SNX30: variants seen among roughly 807,000 people sequenced by gnomAD.
SNX30 encodes sorting nexin-30.
Under a neutral mutation model 46.4 loss-of-function variants are expected in SNX30, and 24 were observed. The observed-to-expected ratio is 0.52, with a 90% CI of 0.37 to 0.73. The LOEUF (loss-of-function observed/expected upper bound fraction) is 0.73, where lower values mean the gene tolerates loss of function less well. Among genes scored for constraint, SNX30 ranks in the 30% least tolerant of loss-of-function variants. The pLI is 0.00. For synonymous variants in SNX30, 189 were observed against 211.5 expected (o/e 0.89, Z 0.92); for missense variants, 533 against 555.7 (o/e 0.96, Z 0.41).
intron 7 of SNX30, chr9:112,856,933 A>T (rs562896506): frequency 2.0e-5 from 3 of 152,574 alleles, no homozygotes; most frequent in African/African-American, 7.2e-5. Context: ...TCCATGTGAC[A>T]GATGGGGGCC....
intron 1 of SNX30, among the ~76,000 whole-genome samples, chr9:112,785,064 G>A (rs374092833): frequency 6.6e-6 from 1 of 152,200 alleles, no homozygotes; most frequent in African/African-American, 2.4e-5. Flanking sequence ...AAACTCCTGT[G>A]TGTTGGAAAA....
chr9:112,755,193 G>T (rs1488555594), intron 1 of SNX30, among the ~76,000 whole-genome samples: 3 of 152,224 alleles, frequency 2.0e-5, no homozygotes, highest in African/African-American at 7.2e-5. Flanking sequence ...AGGAGAACTG[G>T]CCGCGAGGAA....
intron 1 of SNX30, among the ~76,000 whole-genome samples, chr9:112,778,151 G>T (rs111326566): frequency 1.1e-4 from 17 of 152,184 alleles, no homozygotes; most frequent in African/African-American, 4.1e-4. Flanking sequence ...AAGTGTTGTG[G>T]ATGGGTACCT....
At chr9:112,858,810 CG>C (rs1419075531) in intron 7 of SNX30, among the ~76,000 whole-genome samples, 1 of 152,128 alleles carries the variant, frequency 6.6e-6, no homozygotes, top group Non-Finnish European at 1.5e-5. Context: ...TCTGCCTTCC[CG>C]AGTGACTTTT....
rs1840533012 is a variant in SNX30 at position 112,823,225 on chromosome 9, AT to A, written c.459+5411del. On this transcript the variant is annotated intron_variant, in intron 3 of 8. Coordinates refer to ENST00000374232, the MANE Select transcript of SNX30 (RefSeq NM_001012994.2). ...AAAAACATAGTATATACAGGGTTCA[AT>A]ACCATCCATGGCTTCAGCATCTGCT... 2.6e-5 allele frequency among the ~76,000 whole-genome samples: 4 copies of A among 152,380 alleles called. No homozygotes were observed. The South Asian group carries it at 8.3e-4, about 32-fold the overall frequency.
In SNX30 at chr9:112,751,254, C is replaced by T. The variant is rs1269380132; in HGVS notation, c.156+97C>T. 4.0e-6 allele frequency: 5 copies of T among 1,251,236 alleles called. No individual in the cohort carries two copies. In the African/African-American group the frequency reaches 6.2e-5, roughly 16 times the overall value. The allele number at this position is 1,251,236 out of a possible 1,614,324, so 77.5% of individuals were successfully genotyped here. On this transcript the variant is annotated intron_variant, in intron 1 of 8. Transcript: ENST00000374232. ...TTCGTGGGCCTGGGGCCGCGCCCAC[C>T]CTGCCGCCCCTTCCCGGGGGACGGG...
At chr9:112,772,432 A>T (rs1167912767) in intron 1 of SNX30, among the ~76,000 whole-genome samples, 3 of 152,144 alleles carry the variant, frequency 2.0e-5, no homozygotes, top group African/African-American at 7.2e-5. Flanking sequence ...TAACCTAGAA[A>T]GTATCTCATA....
intron 2 of SNX30, among the ~76,000 whole-genome samples, chr9:112,815,488 G>A (rs1050210363): frequency 6.6e-6 from 1 of 151,904 alleles, no homozygotes; most frequent in African/African-American, 2.4e-5. Flanking sequence ...AGCTGCCTGA[G>A]TAGCTGGGAT....
At chr9:112,819,996 T>A (rs1840467928) in intron 3 of SNX30, among the ~76,000 whole-genome samples, 1 of 152,200 alleles carries the variant, frequency 6.6e-6, no homozygotes, top group Non-Finnish European at 1.5e-5. Flanking sequence ...ACACCATGCA[T>A]CAGGGAGCTG....
Position 112,866,406 on chromosome 9 carries a change from G to A in SNX30, c.1254+2007G>A, listed in dbSNP as rs1244521366. ...GAGACAACATACGCAAAGTCCCTGG[G>A]GCAGGAAAGAGTTTGGTACATTTGA... On this transcript the variant is annotated intron_variant, in intron 8 of 8. Transcript: ENST00000374232. The A allele has an allele frequency of 6.4e-6, 3 of 470,192 alleles. No individual in the cohort carries two copies. In the Admixed American group the frequency reaches 7.1e-5, roughly 11 times the overall value. The allele number at this position is 470,192 out of a possible 1,614,324, so 29.1% of individuals were successfully genotyped here. A position where few individuals can be genotyped will look rare whatever the true frequency, so the allele number is the denominator to read the frequency against.
At chr9:112,859,903 A>G (rs546488444) in intron 7 of SNX30, among the ~76,000 whole-genome samples, 2 of 152,028 alleles carry the variant, frequency 1.3e-5, no homozygotes, top group South Asian at 4.2e-4. Context: ...ACTAGTGATT[A>G]TGATGTTGAG....
chr9:112,794,474 G>A lies in SNX30; in HGVS notation c.157-10302G>A, dbSNP rs527781454. Among the ~76,000 whole-genome samples the A allele has an allele frequency of 2.0e-5, 3 of 152,240 alleles. No homozygotes were observed. The South Asian group carries it at 6.2e-4, about 32-fold the overall frequency. ...CCAACACATTCTTTAAGCATCTGCTGTGTACCTGGCACGAGGGGGGTAAAT... is the reference window on the plus strand; with the variant it reads ...CCAACACATTCTTTAAGCATCTGCTATGTACCTGGCACGAGGGGGGTAAAT... On this transcript the variant is annotated intron_variant, in intron 1 of 8. Transcript: ENST00000374232.
At chr9:112,850,990 T>C (rs572099311) in intron 7 of SNX30, 45 bp downstream of exon 7, 1 of 1,466,058 alleles carries the variant, frequency 6.8e-7, no homozygotes, top group South Asian at 1.1e-5. Context: ...GTAGTCTCCC[T>C]GCTGGTGCTA....
intron 1 of SNX30, among the ~76,000 whole-genome samples, chr9:112,762,241 G>T (rs1301455306): frequency 6.6e-6 from 1 of 152,046 alleles, no homozygotes; most frequent in African/African-American, 2.4e-5. Context: ...TGTGTTGGTG[G>T]GGGGGAAGTG....
intron 6 of SNX30, among the ~76,000 whole-genome samples, chr9:112,844,483 C>A (rs764032889): frequency 1.3e-5 from 2 of 151,988 alleles, no homozygotes; most frequent in Non-Finnish European, 2.9e-5. Flanking sequence ...GATTGAGGTG[C>A]GTAGAGTGTG....
At chr9:112,814,275 C>G (rs947799181) in intron 2 of SNX30, among the ~76,000 whole-genome samples, 1 of 152,192 alleles carries the variant, frequency 6.6e-6, no homozygotes, top group African/African-American at 2.4e-5. Flanking sequence ...AGGTCTTACT[C>G]TGTGGCTCAC....
chr9:112,836,502 C>T, intron 5 of SNX30, 93 bp downstream of exon 5: 1 of 1,366,244 alleles, frequency 7.3e-7, no homozygotes, highest in Non-Finnish European at 1.0e-6. Flanking sequence ...CTGCAAAATG[C>T]TGGAGTGACA....
chr9:112,876,228 TTC>T (rs1841516204), downstream of SNX30, among the ~76,000 whole-genome samples: 1 of 152,044 alleles, frequency 6.6e-6, no homozygotes, highest in African/African-American at 2.4e-5. Context: ...ATTTAAGAGA[TTC>T]TTGGGGGGAG....
intron 7 of SNX30, among the ~76,000 whole-genome samples, chr9:112,862,736 A>G (rs573103832): frequency 2.0e-5 from 3 of 151,776 alleles, no homozygotes; most frequent in African/African-American, 7.2e-5. Context: ...ACCACATCCT[A>G]CTTATTGTAG....
Sources: allele counts gnomAD v4.1 joint callset (sites outside exome capture counted in the v4.1 genomes callset), GRCh38; gene constraint gnomAD v4.1.1; transcripts MANE v1.5; gene names NCBI Gene and HGNC (gene_info 2026-07-23, HGNC 2026-07-21).